The following RABGAP1L variants were observed in gnomAD, a reference collection of about 807,000 sequenced individuals.
The protein encoded by RABGAP1L is RAB GTPase activating protein 1 like, also known as rab GTPase-activating protein 1-like.
RABGAP1L carries 63 observed loss-of-function variants against 137.7 expected under a neutral mutation model. The observed-to-expected ratio is 0.46, with a 90% CI of 0.37 to 0.56. The LOEUF (loss-of-function observed/expected upper bound fraction) is 0.56, where lower values mean the gene tolerates loss of function less well. RABGAP1L is among the 20% of genes least tolerant of loss of function. The pLI is 0.00. For synonymous variants in RABGAP1L, 431 were observed against 433.7 expected (o/e 0.99, Z 0.08); for missense variants, 1,095 against 1,244.0 (o/e 0.88, Z 1.80).
chr1:174,209,129 C>A (rs1668696453), intron 1 of RABGAP1L, among the ~76,000 whole-genome samples: 1 of 152,174 alleles, frequency 6.6e-6, no homozygotes, highest in African/African-American at 2.4e-5. Flanking sequence ...CTATGAGAAT[C>A]TAATGCCACT....
At chr1:174,703,404 T>C (rs138999739) in intron 17 of RABGAP1L, among the ~76,000 whole-genome samples, 2 of 152,304 alleles carry the variant, frequency 1.3e-5, no homozygotes, top group African/African-American at 2.4e-5. Context: ...ATGTTGCTGC[T>C]AATGACATGA....
In RABGAP1L at chr1:174,305,055, G is replaced by T; in HGVS notation, c.1393G>T (p.Asp465Tyr). The T allele has an allele frequency of 6.4e-7, 1 of 1,562,972 alleles. No individual in the cohort carries two copies. Among genetic ancestry groups the T allele is most frequent in the East Asian group, 2.5e-5 (1 of 39,952 alleles). ...YEVVSLQRES[D>Y]KEEPVTPTSG... Reference sequence around the variant, plus strand: ...GGTGGTGAGTCTACAGCGAGAGTCTGACAAGGAGGAACCAGTCACTCCTAC... The same window carrying T: ...GGTGGTGAGTCTACAGCGAGAGTCTTACAAGGAGGAACCAGTCACTCCTAC... The change falls in exon 11 of 26, where the codon GAC (aspartate) becomes TAC (tyrosine). Residue 465 changes from aspartate to tyrosine, a missense_variant. Coordinates refer to ENST00000681986, the MANE Select transcript of RABGAP1L (RefSeq NM_001366446.1).
intron 4 of RABGAP1L, among the ~76,000 whole-genome samples, chr1:174,234,646 G>A (rs1328613037): frequency 4.6e-5 from 7 of 151,730 alleles, no homozygotes; most frequent in African/African-American, 7.3e-5. Context: ...TGGTACCAGT[G>A]CCATGCTGTT....
chr1:174,539,922 T>G (rs757988640), intron 13 of RABGAP1L, among the ~76,000 whole-genome samples: 44 of 152,160 alleles, frequency 2.9e-4, no homozygotes, highest in Admixed American at 2.4e-3. Context: ...GTATAAAAGT[T>G]TTCCTATTTC....
chr1:174,577,698 G>A (rs1473879642), intron 13 of RABGAP1L, among the ~76,000 whole-genome samples: 1 of 152,174 alleles, frequency 6.6e-6, no homozygotes, highest in African/African-American at 2.4e-5. Flanking sequence ...TTTAACACAT[G>A]AAGAAAGCTG....
intron 8 of RABGAP1L, among the ~76,000 whole-genome samples, chr1:174,272,881 C>T (rs895143088): frequency 2.0e-5 from 3 of 151,888 alleles, no homozygotes; most frequent in Non-Finnish European, 4.4e-5. Flanking sequence ...TTCTTTAAAG[C>T]GTTTCCCTTT....
chr1:174,199,314 C>T (rs1046158383), intron 1 of RABGAP1L, among the ~76,000 whole-genome samples: 1 of 151,754 alleles, frequency 6.6e-6, no homozygotes, highest in Non-Finnish European at 1.5e-5. Flanking sequence ...TTTTTTAAGA[C>T]AGGGTCTCGC....
At chr1:174,434,759 C>T (rs1047569580) in intron 13 of RABGAP1L, among the ~76,000 whole-genome samples, 1 of 151,966 alleles carries the variant, frequency 6.6e-6, no homozygotes. Context: ...TTTTCATTTT[C>T]TTAATGGTTA....
chr1:174,733,258 T>G (rs975495177), intron 17 of RABGAP1L, among the ~76,000 whole-genome samples: 1 of 152,212 alleles, frequency 6.6e-6, no homozygotes, highest in African/African-American at 2.4e-5. Context: ...GACCAAGATA[T>G]GGCAGGCTGC....
intron 18 of RABGAP1L, among the ~76,000 whole-genome samples, chr1:174,763,334 G>C (rs1385685268): frequency 6.6e-6 from 1 of 150,690 alleles, no homozygotes; most frequent in African/African-American, 2.4e-5. Flanking sequence ...TGGCTAACAC[G>C]GTGAAACCCC....
At chr1:174,287,600 C>T (rs1031800344) in intron 10 of RABGAP1L, among the ~76,000 whole-genome samples, 9 of 152,148 alleles carry the variant, frequency 5.9e-5, no homozygotes, top group Non-Finnish European at 1.2e-4. Context: ...TCAAGTGATT[C>T]TCCAACCTCA....
At chr1:174,672,489 C>A (rs908877959) in intron 14 of RABGAP1L, among the ~76,000 whole-genome samples, 4 of 151,430 alleles carry the variant, frequency 2.6e-5, no homozygotes, top group African/African-American at 9.7e-5. Context: ...TCTTTATTTT[C>A]TTTCTTCTGC....
At chr1:174,716,099 AGTT>A (rs373120521) in intron 17 of RABGAP1L, among the ~76,000 whole-genome samples, 168 of 152,348 alleles carry the variant, frequency 1.1e-3, no homozygotes, top group African/African-American at 3.7e-3. Context: ...GTATGTGAAT[AGTT>A]GTTATTTGTT....
chr1:174,397,593 T>C (rs986471092), intron 13 of RABGAP1L, among the ~76,000 whole-genome samples: 1 of 152,202 alleles, frequency 6.6e-6, no homozygotes, highest in Non-Finnish European at 1.5e-5. Flanking sequence ...CATTCCTGCA[T>C]TACATCTTTT....
At chr1:174,300,558 C>T (rs1056548986) in intron 10 of RABGAP1L, among the ~76,000 whole-genome samples, 1 of 148,182 alleles carries the variant, frequency 6.7e-6, no homozygotes, top group Admixed American at 6.7e-5. Context: ...AGTGAGGTGC[C>T]AGGGAACACG....
chr1:174,884,819 A>G (rs1654813189), intron 19 of RABGAP1L, among the ~76,000 whole-genome samples: 3 of 152,182 alleles, frequency 2.0e-5, no homozygotes, highest in African/African-American at 7.2e-5. Context: ...TCTGTCTCCA[A>G]CTTCTTGGCT....
intron 13 of RABGAP1L, among the ~76,000 whole-genome samples, chr1:174,553,531 C>T (rs1666688657): frequency 6.6e-6 from 1 of 152,264 alleles, no homozygotes; most frequent in South Asian, 2.1e-4. Context: ...TTCACAAAAT[C>T]TCTTCCAGAA....
chr1:174,947,798 T>C (rs1667120591), intron 19 of RABGAP1L, among the ~76,000 whole-genome samples: 1 of 152,256 alleles, frequency 6.6e-6, no homozygotes, highest in Admixed American at 6.5e-5. Flanking sequence ...TCGAAGAATA[T>C]GGTTTTTCTC....
chr1:174,702,948 G>T (rs1679767394), intron 17 of RABGAP1L, among the ~76,000 whole-genome samples: 1 of 151,984 alleles, frequency 6.6e-6, no homozygotes, highest in Non-Finnish European at 1.5e-5. Flanking sequence ...TAGGGAATTT[G>T]CTAGATAAGA....
Sources: gnomAD v4.1 joint callset for allele counts (sites outside exome capture counted in the v4.1 genomes callset) on GRCh38, gnomAD v4.1.1 for gene constraint, MANE v1.5 for transcripts, NCBI Gene and HGNC (gene_info 2026-07-23, HGNC 2026-07-21) for gene names.